Variants in FNDC3A observed in about 807,000 individuals in gnomAD.
FNDC3A encodes the protein fibronectin type-III domain-containing protein 3A.
FNDC3A carries 32 observed loss-of-function variants against 148.9 expected under a neutral mutation model. That is an observed-to-expected ratio of 0.21 (90% CI 0.16 to 0.29). The LOEUF is 0.29. Among genes scored for constraint, FNDC3A ranks in the 10% least tolerant of loss-of-function variants. The pLI, the probability that FNDC3A is intolerant of heterozygous loss-of-function variation, is 1.00. For missense variants in FNDC3A, 1,191 were observed against 1,452.8 expected (o/e 0.82, Z 2.93); for synonymous variants, 472 against 473.6 (o/e 1.00, Z 0.04).
intron 5 of FNDC3A, among the ~76,000 whole-genome samples, chr13:49,135,665 C>A (rs1441769865): frequency 6.6e-6 from 1 of 152,070 alleles, no homozygotes; most frequent in Admixed American, 6.5e-5. Flanking sequence ...TTTCTCATCA[C>A]AAATTTTAAA....
intron 2 of FNDC3A, among the ~76,000 whole-genome samples, chr13:49,073,445 C>T (rs1380659652): frequency 1.3e-5 from 2 of 151,574 alleles, no homozygotes; most frequent in Non-Finnish European, 2.9e-5. Flanking sequence ...CGAAATGCTC[C>T]AAAATTGGAA....
In FNDC3A at chr13:49,070,895, T is replaced by G. The variant is rs944744360; in HGVS notation, c.100-4394T>G. On this transcript the variant is annotated intron_variant, in intron 2 of 25. Transcript: ENST00000492622. The stretch of plus-strand genomic sequence containing the variant: ...TAACAGGATTTCTTTTTTTTTTTTG[T>G]TTTGTTTTTTTTCTTTTTTTTGAGA... 2.4e-4 allele frequency among the ~76,000 whole-genome samples: 33 copies of G among 138,788 alleles called. 1 individual carries two copies. Among genetic ancestry groups the G allele is most frequent in the African/African-American group, 4.4e-4 (16 of 36,228 alleles). The allele number at this position is 138,788 out of a possible 152,430, so 91.1% of individuals were successfully genotyped here.
chr13:48,975,377 C>G (rs1048195183), upstream of FNDC3A: 2 of 152,228 alleles, frequency 1.3e-5, no homozygotes, highest in Non-Finnish European at 1.5e-5. Flanking sequence ...AGCCACCCCC[C>G]ACGTTTTCAA....
chr13:48,986,838 C>A (rs1054431320), intron 1 of FNDC3A, among the ~76,000 whole-genome samples: 2 of 152,078 alleles, frequency 1.3e-5, no homozygotes, highest in East Asian at 3.9e-4. Context: ...ATTCTGCAGA[C>A]AAATCTACTT....
chr13:49,001,639 C>G (rs1331679997), intron 1 of FNDC3A, among the ~76,000 whole-genome samples: 1 of 152,090 alleles, frequency 6.6e-6, no homozygotes, highest in Non-Finnish European at 1.5e-5. Flanking sequence ...TTGGGGGCGG[C>G]TGTCTTTTAC....
chr13:49,154,398 A>G (rs1883524206), intron 8 of FNDC3A, among the ~76,000 whole-genome samples: 1 of 147,142 alleles, frequency 6.8e-6, no homozygotes, highest in South Asian at 2.2e-4. Context: ...GAAGTTGCTT[A>G]TCAGCTTAAG....
chr13:49,191,173 G>A (rs150382347), intron 18 of FNDC3A, 36 bp from the exon 19 acceptor site: 100 of 1,603,302 alleles, frequency 6.2e-5, no homozygotes, highest in African/African-American at 5.5e-4. Context: ...GGAAGTATTC[G>A]TCTTGTTAAA....
intron 3 of FNDC3A, among the ~76,000 whole-genome samples, chr13:49,099,904 T>A (rs1441783785): frequency 1.4e-4 from 21 of 152,106 alleles, no homozygotes; most frequent in Admixed American, 1.4e-3. Context: ...TGTTGTAGTC[T>A]TAAAATATTA....
At chr13:49,058,274 A>C (rs1288991483) in intron 2 of FNDC3A, among the ~76,000 whole-genome samples, 1 of 152,142 alleles carries the variant, frequency 6.6e-6, no homozygotes, top group Non-Finnish European at 1.5e-5. Flanking sequence ...TGGGGACTGC[A>C]TACACCAGTA....
intron 2 of FNDC3A, among the ~76,000 whole-genome samples, chr13:49,023,759 G>A (rs970760912): frequency 1.3e-5 from 2 of 151,878 alleles, no homozygotes; most frequent in Non-Finnish European, 1.5e-5. Context: ...TATAAATAGG[G>A]AAATGCATTC....
At chr13:48,976,651 C>T (rs2137536410) in intron 1 of FNDC3A, 1 of 152,482 alleles carries the variant, frequency 6.6e-6, no homozygotes, top group South Asian at 2.1e-4. Flanking sequence ...ACCCGCGGCG[C>T]CTTCGGCTTT....
At chr13:49,060,097 G>T (rs1876557157) in intron 2 of FNDC3A, among the ~76,000 whole-genome samples, 1 of 152,128 alleles carries the variant, frequency 6.6e-6, no homozygotes, top group Admixed American at 6.5e-5. Context: ...GAAGTTTGGT[G>T]GTTCCTCAAA....
intron 2 of FNDC3A, among the ~76,000 whole-genome samples, chr13:49,067,180 A>T (rs1231498899): frequency 6.6e-6 from 1 of 152,222 alleles, no homozygotes; most frequent in Non-Finnish European, 1.5e-5. Context: ...AGTTTTAAAA[A>T]AAATTAGCTT....
chr13:48,979,434 A>T (rs1402247252), intron 1 of FNDC3A, among the ~76,000 whole-genome samples: 3 of 152,208 alleles, frequency 2.0e-5, no homozygotes. Flanking sequence ...TTTAGATAAC[A>T]AAAGGAAAGG....
chr13:49,115,863 C>T (rs999966344), intron 4 of FNDC3A, among the ~76,000 whole-genome samples: 1 of 152,198 alleles, frequency 6.6e-6, no homozygotes, highest in African/African-American at 2.4e-5. Flanking sequence ...GCTTTCCAGC[C>T]TGGTCCTCTT....
intron 2 of FNDC3A, chr13:49,045,638 C>A: frequency 1.3e-6 from 1 of 787,148 alleles, no homozygotes; most frequent in Non-Finnish European, 2.0e-6. Context: ...TAAGGATGCT[C>A]TTCTACAATA....
At chr13:49,019,187 G>A (rs769562674) in intron 2 of FNDC3A, among the ~76,000 whole-genome samples, 4 of 152,150 alleles carry the variant, frequency 2.6e-5, no homozygotes, top group South Asian at 2.1e-4. Flanking sequence ...AATGGCGGGC[G>A]CCCCTCCCCC....
rs566600360 is a variant in FNDC3A, at chr13:49,179,919, C to T, written c.1617+1265C>T. On this transcript the variant is annotated intron_variant, in intron 14 of 25. Coordinates refer to ENST00000492622, the MANE Select transcript of FNDC3A (RefSeq NM_001079673.2). ...AATCAAGATCTAGATACTAAGTATA[C>T]TTAATTGCCATAGAGGTTTTACTGC... Among the ~76,000 whole-genome samples the T allele has an allele frequency of 2.6e-5, 4 of 152,260 alleles. No homozygotes were observed. In the South Asian group the frequency reaches 8.3e-4, roughly 32 times the overall value.
chr13:49,122,219 C>T (rs1881396851), intron 4 of FNDC3A, among the ~76,000 whole-genome samples: 1 of 152,140 alleles, frequency 6.6e-6, no homozygotes, highest in Admixed American at 6.6e-5. Context: ...TAAACGTAAT[C>T]TATCACATAA....
Sources: gnomAD v4.1 joint callset for allele counts (sites outside exome capture counted in the v4.1 genomes callset) on GRCh38, gnomAD v4.1.1 for gene constraint, MANE v1.5 for transcripts, NCBI Gene and HGNC (gene_info 2026-07-23, HGNC 2026-07-21) for gene names.